The following WASL variants were observed in gnomAD, a reference collection of about 807,000 sequenced individuals.
The protein encoded by WASL is WASP like actin nucleation promoting factor, also known as actin nucleation-promoting factor WASL.
WASL carries 20 observed loss-of-function variants against 55.5 expected under a neutral mutation model. The observed-to-expected ratio is 0.36, with a 90% CI of 0.25 to 0.52. WASL has a LOEUF of 0.52. Among genes scored for constraint, WASL ranks in the 20% least tolerant of loss-of-function variants. WASL has a pLI of 0.92. For missense variants in WASL, 504 were observed against 622.5 expected (o/e 0.81, Z 2.03); for synonymous variants, 249 against 217.6 (o/e 1.14, Z -1.27).
intron 1 of WASL, among the ~76,000 whole-genome samples, 196 bp downstream of exon 1, chr7:123,748,422 G>C (rs575094878): frequency 0.016 from 2,363 of 152,022 alleles, 21 homozygotes; most frequent in Non-Finnish European, 0.026. Flanking sequence ...AGCTCGGGAA[G>C]GCGGCGCCCG....
chr7:123,692,730 G>A lies in WASL; in HGVS notation c.964C>T (p.Pro322Ser), dbSNP rs905283111. Residue 322 changes from proline to serine, a missense_variant, in exon 9 of 11, where the codon CCT becomes TCT. Transcript: ENST00000223023. ...PPPSRAPTAA[P>S]PPPPPSRPSV... is the part of the protein sequence containing the mutation. ...GGCCTGGAAGGAGGCGGTGGTGGAG[G>A]TGCAGCTGTGGGAGCTCTTGAAGGT... The A allele has an allele frequency of 2.6e-6, 4 of 1,514,670 alleles. No homozygotes were observed. The highest frequency in any genetic ancestry group is 2.3e-5 in the Admixed American group (1 of 43,414). 93.8% of individuals were successfully genotyped at this position (1,514,670 alleles called of 1,614,324 possible).
At chr7:123,715,830 A>G (rs1436877463) in intron 1 of WASL, among the ~76,000 whole-genome samples, 1 of 152,224 alleles carries the variant, frequency 6.6e-6, no homozygotes, top group Non-Finnish European at 1.5e-5. Flanking sequence ...ATTACCAGTA[A>G]ACAATCAAAA....
intron 1 of WASL, among the ~76,000 whole-genome samples, chr7:123,716,960 T>C (rs190514215): frequency 6.6e-6 from 1 of 152,320 alleles, no homozygotes; most frequent in African/African-American, 2.4e-5. Context: ...CTGCTAATTC[T>C]ATACTCAACA....
At chr7:123,740,603 T>G (rs532538042) in intron 1 of WASL, among the ~76,000 whole-genome samples, 40 of 152,254 alleles carry the variant, frequency 2.6e-4, no homozygotes, top group African/African-American at 9.6e-4. Context: ...AACTTTTTTT[T>G]TTGTTTTTAA....
intron 1 of WASL, among the ~76,000 whole-genome samples, chr7:123,732,198 C>T (rs928414201): frequency 1.3e-5 from 2 of 152,002 alleles, no homozygotes; most frequent in East Asian, 1.9e-4. Context: ...GGTGTGGTGG[C>T]GGACGCCTGT....
At chr7:123,702,131 T>C (rs1803600441) in intron 5 of WASL, among the ~76,000 whole-genome samples, 1 of 151,562 alleles carries the variant, frequency 6.6e-6, no homozygotes, top group Admixed American at 6.6e-5. Context: ...CTCGGCTCAC[T>C]TGCAACCTCC....
rs184118656 is a variant in WASL at position 123,689,567 on chromosome 7, A to G, written c.1348-417T>C. Reference sequence around the variant, plus strand: ...TTGTTACGTGGGACGCACACTGAAGATATTGAAAAACAACTGTAGAAACTT... The same window carrying G: ...TTGTTACGTGGGACGCACACTGAAGGTATTGAAAAACAACTGTAGAAACTT... On this transcript the variant is annotated intron_variant, in intron 9 of 10. Transcript: ENST00000223023. Among the ~76,000 whole-genome samples, 10 of 152,300 alleles carry G rather than the reference A, an allele frequency of 6.6e-5. No individual in the cohort carries two copies. The East Asian group carries it at 1.7e-3, about 26-fold the overall frequency.
At chr7:123,718,946 T>C (rs1050521100) in intron 1 of WASL, among the ~76,000 whole-genome samples, 2 of 152,250 alleles carry the variant, frequency 1.3e-5, no homozygotes, top group African/African-American at 4.8e-5. Flanking sequence ...CCAGGTACTA[T>C]AGCTATAATA....
At position 123,684,268 on chromosome 7, in the gene WASL, A is replaced by T. The variant is rs1803250333; in HGVS notation, c.*251T>A. 1 of 186,572 alleles carries T rather than the reference A, an allele frequency of 5.4e-6. No individual in the cohort carries two copies. Among genetic ancestry groups the T allele is most frequent in the Non-Finnish European group, 1.1e-5 (1 of 91,204 alleles). The allele number at this position is 186,572 out of a possible 1,614,324, so 11.6% of individuals were successfully genotyped here. A position where few individuals can be genotyped will look rare whatever the true frequency, so the allele number is the denominator to read the frequency against. On this transcript the variant is annotated 3_prime_UTR_variant, in exon 11 of 11. Transcript: ENST00000223023. Reference sequence around the variant, plus strand: ...AAACTCCCTTGTTGATGGAATGAAAAATATTCACAAATCAAGTGAGCATCC... The same window carrying T: ...AAACTCCCTTGTTGATGGAATGAAATATATTCACAAATCAAGTGAGCATCC...
chr7:123,709,590 A>G (rs565232208), intron 1 of WASL, among the ~76,000 whole-genome samples: 1 of 152,284 alleles, frequency 6.6e-6, no homozygotes, highest in Admixed American at 6.5e-5. Context: ...GCCCAATACC[A>G]CACAGCTAAA....
intron 10 of WASL, among the ~76,000 whole-genome samples, chr7:123,688,509 C>T (rs990773243): frequency 1.3e-5 from 2 of 152,050 alleles, no homozygotes; most frequent in Non-Finnish European, 2.9e-5. Context: ...TACAGGCATG[C>T]GCCACCACGC....
rs117830624 is a variant in WASL at position 123,704,182 on chromosome 7, T to G, written c.460+452A>C. Reference sequence around the variant, plus strand: ...GGTGTTCATTTTGAAAGGGGCTTCATATAACACATAAGCAATGTGAAATAA... The same window carrying G: ...GGTGTTCATTTTGAAAGGGGCTTCAGATAACACATAAGCAATGTGAAATAA... On this transcript the variant is annotated intron_variant, in intron 5 of 10. Transcript: ENST00000223023. Among the ~76,000 whole-genome samples the G allele has an allele frequency of 6.4e-3, 968 of 152,300 alleles. 7 individuals are homozygous for G. The highest frequency in any genetic ancestry group is 0.014 in the Middle Eastern group (4 of 294).
intron 4 of WASL, among the ~76,000 whole-genome samples, chr7:123,705,149 A>C (rs1229118061): frequency 6.6e-6 from 1 of 152,216 alleles, no homozygotes; most frequent in African/African-American, 2.4e-5. Context: ...GTGGCAGCCC[A>C]GCTGACAGAT....
intron 1 of WASL, among the ~76,000 whole-genome samples, chr7:123,744,834 T>G (rs1804404943): frequency 6.6e-6 from 1 of 152,230 alleles, no homozygotes. Context: ...TAAGACCTAG[T>G]AATCTTGTTT....
At chr7:123,736,106 G>A (rs1302465591) in intron 1 of WASL, among the ~76,000 whole-genome samples, 2 of 152,050 alleles carry the variant, frequency 1.3e-5, no homozygotes, top group Non-Finnish European at 2.9e-5. Context: ...ATGCAAACCA[G>A]AAGATACTGG....
intron 5 of WASL, among the ~76,000 whole-genome samples, chr7:123,702,424 A>G (rs1382295736): frequency 6.6e-6 from 1 of 152,206 alleles, no homozygotes; most frequent in Non-Finnish European, 1.5e-5. Flanking sequence ...CCACTGTTAT[A>G]TAAAGAATTT....
chr7:123,722,434 C>T (rs1803963683), intron 1 of WASL, among the ~76,000 whole-genome samples: 1 of 152,158 alleles, frequency 6.6e-6, no homozygotes, highest in Non-Finnish European at 1.5e-5. Flanking sequence ...ATTCAATTAA[C>T]AATTATTTAT....
chr7:123,727,502 T>C (rs1264237911), intron 1 of WASL, among the ~76,000 whole-genome samples: 4 of 151,830 alleles, frequency 2.6e-5, no homozygotes, highest in African/African-American at 4.8e-5. Flanking sequence ...CACTGACCAG[T>C]TGACTAATAA....
chr7:123,745,667 C>A (rs1162649028), intron 1 of WASL, among the ~76,000 whole-genome samples: 1 of 152,080 alleles, frequency 6.6e-6, no homozygotes, highest in Non-Finnish European at 1.5e-5. Flanking sequence ...AGCTTCACCT[C>A]AGATCCAGTG....
Sources: gnomAD v4.1 joint callset for allele counts (sites outside exome capture counted in the v4.1 genomes callset) on GRCh38, gnomAD v4.1.1 for gene constraint, MANE v1.5 for transcripts, NCBI Gene and HGNC (gene_info 2026-07-23, HGNC 2026-07-21) for gene names.